The following TBC1D19 variants were observed in gnomAD, a reference collection of about 807,000 sequenced individuals.
The protein encoded by TBC1D19 is TBC1 domain family, member 19.
TBC1D19 carries 60 observed loss-of-function variants against 89.0 expected under a neutral mutation model. The ratio of observed to expected loss-of-function variants is 0.67; its 90% CI spans 0.55 to 0.84. The LOEUF (loss-of-function observed/expected upper bound fraction) is 0.84. Ranked by LOEUF, TBC1D19 falls within the 40% of genes least tolerant of loss-of-function variation. The pLI is 0.00. For synonymous variants in TBC1D19, 189 were observed against 199.7 expected (o/e 0.95, Z 0.45); for missense variants, 500 against 610.8 (o/e 0.82, Z 1.91).
At chr4:26,698,042 T>G (rs1017688317) in intron 13 of TBC1D19, among the ~76,000 whole-genome samples, 1 of 152,060 alleles carries the variant, frequency 6.6e-6, no homozygotes, top group Non-Finnish European at 1.5e-5. Flanking sequence ...AAATAAAGGG[T>G]ATTCAATTAG....
At chr4:26,604,797 C>T (rs537641813) in intron 1 of TBC1D19, among the ~76,000 whole-genome samples, 257 of 151,962 alleles carry the variant, frequency 1.7e-3, no homozygotes, top group African/African-American at 6.0e-3. Flanking sequence ...AGGAGAATGG[C>T]GTGAACCCGG....
chr4:26,591,570 A>C (rs1377196007), intron 1 of TBC1D19, among the ~76,000 whole-genome samples: 1 of 152,196 alleles, frequency 6.6e-6, no homozygotes, highest in Non-Finnish European at 1.5e-5. Flanking sequence ...GAAAAGAACA[A>C]CAAAATTGAT....
intron 15 of TBC1D19, among the ~76,000 whole-genome samples, chr4:26,723,095 A>G (rs1054011650): frequency 6.6e-6 from 1 of 152,218 alleles, no homozygotes; most frequent in Non-Finnish European, 1.5e-5. Context: ...AAACTGTTTA[A>G]TCCTTAATGA....
At chr4:26,623,456 C>T (rs557942462) in intron 4 of TBC1D19, among the ~76,000 whole-genome samples, 1 of 152,264 alleles carries the variant, frequency 6.6e-6, no homozygotes, top group African/African-American at 2.4e-5. Context: ...CTCTGTCTCA[C>T]TCATTTTAAG....
intron 15 of TBC1D19, among the ~76,000 whole-genome samples, chr4:26,729,783 CA>C (rs1376596561): frequency 2.6e-5 from 4 of 152,162 alleles, no homozygotes; most frequent in Non-Finnish European, 5.9e-5. Context: ...ACTGTGTATA[CA>C]CTTAGCCTAT....
At chr4:26,633,354 C>A (rs538489327) in intron 4 of TBC1D19, among the ~76,000 whole-genome samples, 64 of 152,192 alleles carry the variant, frequency 4.2e-4, no homozygotes, top group African/African-American at 1.5e-3. Context: ...AATTTGATAT[C>A]TTCTGTGTTG....
the TBC1D19 span, among the ~76,000 whole-genome samples, chr4:26,825,905 G>A: frequency 6.6e-6 from 1 of 152,132 alleles, no homozygotes; most frequent in African/African-American, 2.4e-5. Context: ...AATGGCATAT[G>A]AAAATAGCTA....
chr4:26,801,522 T>A, the TBC1D19 span, among the ~76,000 whole-genome samples: 3 of 152,212 alleles, frequency 2.0e-5, no homozygotes, highest in African/African-American at 7.2e-5. Context: ...AACTTTGAAG[T>A]AGTCTTTCCC....
the TBC1D19 span, among the ~76,000 whole-genome samples, chr4:26,805,267 C>T: frequency 7.3e-3 from 1,105 of 152,294 alleles, 4 homozygotes; most frequent in Non-Finnish European, 0.012. Flanking sequence ...CCTGGACCCT[C>T]GTATGTTAAG....
intron 1 of TBC1D19, among the ~76,000 whole-genome samples, chr4:26,596,500 G>A (rs1188503385): frequency 2.0e-5 from 3 of 151,246 alleles, no homozygotes; most frequent in African/African-American, 7.3e-5. Context: ...GAGAGAGTGT[G>A]TTTGAACAAT....
chr4:26,828,040 G>A, the TBC1D19 span, among the ~76,000 whole-genome samples: 2 of 152,140 alleles, frequency 1.3e-5, no homozygotes, highest in African/African-American at 4.8e-5. Flanking sequence ...GTCCAGAACC[G>A]CCAGTCAGAA....
the TBC1D19 span, among the ~76,000 whole-genome samples, chr4:26,836,084 A>G: frequency 3.3e-5 from 5 of 151,186 alleles, no homozygotes; most frequent in Non-Finnish European, 7.4e-5. Context: ...TTGGCTTCAG[A>G]CTTTGGCTTC....
the TBC1D19 span, among the ~76,000 whole-genome samples, chr4:26,847,865 TGAA>T: frequency 6.6e-6 from 1 of 152,138 alleles, no homozygotes; most frequent in African/African-American, 2.4e-5. Context: ...TTGGTAAACG[TGAA>T]GAAGGACAGA....
chr4:26,751,611 C>G (rs1718966600), intron 19 of TBC1D19, among the ~76,000 whole-genome samples: 1 of 152,216 alleles, frequency 6.6e-6, no homozygotes. Context: ...TACATATTCA[C>G]TAACTCCAGC....
chr4:26,593,385 C>T (rs1739962440), intron 1 of TBC1D19, among the ~76,000 whole-genome samples: 2 of 152,236 alleles, frequency 1.3e-5, no homozygotes, highest in African/African-American at 4.8e-5. Flanking sequence ...GCATAAAAAC[C>T]CTAGAAGAAA....
At chr4:26,675,170 T>C (rs1395180932) in intron 11 of TBC1D19, among the ~76,000 whole-genome samples, 1 of 152,122 alleles carries the variant, frequency 6.6e-6, no homozygotes, top group Admixed American at 6.5e-5. Context: ...ACTCTTGTCC[T>C]GATCTAACTT....
the TBC1D19 span, chr4:26,858,282 GA>G: frequency 0.83 from 123,191 of 147,584 alleles, 51,528 homozygotes; most frequent in Middle Eastern, 0.97. Flanking sequence ...AAGACGTTCT[GA>G]AAAAAAAAAA....
chr4:26,799,801 TA>T, the TBC1D19 span, among the ~76,000 whole-genome samples: 1 of 152,148 alleles, frequency 6.6e-6, no homozygotes, highest in African/African-American at 2.4e-5. Context: ...GTTTATACAT[TA>T]CCCACTCTAA....
At chr4:26,734,244 G>A (rs1478453639) in intron 15 of TBC1D19, among the ~76,000 whole-genome samples, 1 of 152,090 alleles carries the variant, frequency 6.6e-6, no homozygotes, top group Non-Finnish European at 1.5e-5. Flanking sequence ...TTCTGCTATC[G>A]CTGGACATGT....
Sources: allele counts gnomAD v4.1 joint callset (sites outside exome capture counted in the v4.1 genomes callset), GRCh38; gene constraint gnomAD v4.1.1; transcripts MANE v1.5; gene names NCBI Gene and HGNC (gene_info 2026-07-23, HGNC 2026-07-21).